PCDH15: variants seen among roughly 807,000 people sequenced by gnomAD.
The protein encoded by PCDH15 is protocadherin related 15.
In PCDH15, 129 loss-of-function variants were observed where a neutral mutation model predicts 178.5. The ratio of observed to expected loss-of-function variants is 0.72; its 90% CI spans 0.63 to 0.84. PCDH15 has a LOEUF of 0.84. Among genes scored for constraint, PCDH15 ranks in the 40% least tolerant of loss-of-function variants. PCDH15 has a pLI of 0.00. For synonymous variants in PCDH15, 800 were observed against 732.0 expected (o/e 1.09, Z -1.50); for missense variants, 2,230 against 2,099.9 (o/e 1.06, Z -1.21).
At chr10:54,345,200 A>G (rs147723046) in intron 6 of PCDH15, among the ~76,000 whole-genome samples, 3,086 of 152,090 alleles carry the variant, frequency 0.02, 106 homozygotes, top group African/African-American at 0.067. Flanking sequence ...AAATGAGAAA[A>G]TGCATCCACA....
At chr10:54,987,170 C>T (rs1839391630) in intron 2 of PCDH15, among the ~76,000 whole-genome samples, 1 of 152,162 alleles carries the variant, frequency 6.6e-6, no homozygotes, top group South Asian at 2.1e-4. Context: ...CCAGCTTCAT[C>T]CGTGTCCCTG....
At chr10:54,080,960 T>A (rs2094429097) in intron 16 of PCDH15, among the ~76,000 whole-genome samples, 1 of 152,176 alleles carries the variant, frequency 6.6e-6, no homozygotes, top group Admixed American at 6.5e-5. Flanking sequence ...AGCCATGGTA[T>A]AATAAGAGAA....
intron 3 of PCDH15, among the ~76,000 whole-genome samples, chr10:54,474,226 A>G (rs1260339426): frequency 6.6e-6 from 1 of 151,948 alleles, no homozygotes; most frequent in Non-Finnish European, 1.5e-5. Flanking sequence ...TTTTAGCAAT[A>G]AAAATTAAGT....
intron 2 of PCDH15, among the ~76,000 whole-genome samples, chr10:55,354,791 T>C (rs1374133929): frequency 6.6e-6 from 1 of 151,966 alleles, no homozygotes; most frequent in Non-Finnish European, 1.5e-5. Context: ...GAATGTACAG[T>C]TTTATAAATA....
chr10:53,975,686 A>G (rs190085704), intron 21 of PCDH15, among the ~76,000 whole-genome samples: 175 of 152,198 alleles, frequency 1.1e-3, no homozygotes, highest in Admixed American at 2.8e-3. Context: ...TGTCAGATGC[A>G]TAGTTCATAA....
chr10:54,017,772 A>G (rs1333467875), intron 20 of PCDH15, among the ~76,000 whole-genome samples: 1 of 152,148 alleles, frequency 6.6e-6, no homozygotes, highest in Non-Finnish European at 1.5e-5. Flanking sequence ...AAATGTGAAC[A>G]TGTAATGCCT....
chr10:54,096,178 C>T (rs2094695869), intron 15 of PCDH15, among the ~76,000 whole-genome samples: 1 of 151,896 alleles, frequency 6.6e-6, no homozygotes, highest in South Asian at 2.1e-4. Context: ...GCAAAGTCCC[C>T]TATGTCCTAA....
At chr10:55,558,193 G>A (rs947028685) in intron 2 of PCDH15, among the ~76,000 whole-genome samples, 2 of 152,026 alleles carry the variant, frequency 1.3e-5, no homozygotes, top group Admixed American at 1.3e-4. Flanking sequence ...TTTCTTTATA[G>A]CCACTGCTTA....
intron 20 of PCDH15, among the ~76,000 whole-genome samples, chr10:54,019,564 T>C (rs1467480940): frequency 2.0e-5 from 3 of 152,106 alleles, no homozygotes; most frequent in African/African-American, 4.8e-5. Flanking sequence ...TTCTCATATC[T>C]ACTTTTGTCT....
intron 2 of PCDH15, among the ~76,000 whole-genome samples, chr10:54,537,427 A>ACCAG (rs1284543828): frequency 6.6e-6 from 1 of 152,148 alleles, no homozygotes; most frequent in Non-Finnish European, 1.5e-5. Flanking sequence ...ATTCTACAAT[A>ACCAG]CCAGCATCAC....
At chr10:55,335,135 A>T (rs775330197) in intron 2 of PCDH15, among the ~76,000 whole-genome samples, 3 of 152,208 alleles carry the variant, frequency 2.0e-5, no homozygotes, top group Non-Finnish European at 2.9e-5. Context: ...CCCAAGAATA[A>T]GGACAAAACC....
chr10:54,878,420 A>C (rs899524821), intron 3 of PCDH15, among the ~76,000 whole-genome samples: 2 of 152,208 alleles, frequency 1.3e-5, no homozygotes, highest in African/African-American at 4.8e-5. Flanking sequence ...TTCCACAAGA[A>C]GACAGCCAGA....
chr10:53,917,578 A>G (rs979649649), intron 25 of PCDH15, among the ~76,000 whole-genome samples: 2 of 152,206 alleles, frequency 1.3e-5, no homozygotes, highest in East Asian at 3.9e-4. Context: ...GCAGTTTTGA[A>G]CTTTCATATA....
chr10:55,416,844 AC>A (rs1380103184), intron 2 of PCDH15, among the ~76,000 whole-genome samples: 1 of 151,822 alleles, frequency 6.6e-6, no homozygotes, highest in Non-Finnish European at 1.5e-5. Context: ...TACAGAACAA[AC>A]AAAATTCCTA....
At chr10:54,218,217 T>A (rs1440294552) in intron 9 of PCDH15, among the ~76,000 whole-genome samples, 1 of 152,148 alleles carries the variant, frequency 6.6e-6, no homozygotes, top group East Asian at 1.9e-4. Context: ...AGTATCAGAG[T>A]GCCATCATTT....
chr10:54,645,321 G>C (rs554061725), intron 2 of PCDH15, among the ~76,000 whole-genome samples: 8 of 152,156 alleles, frequency 5.3e-5, no homozygotes, highest in African/African-American at 1.9e-4. Flanking sequence ...GAGAGACAGA[G>C]AGAGAGAGAG....
intron 8 of PCDH15, among the ~76,000 whole-genome samples, chr10:54,314,653 C>A (rs1443952988): frequency 1.3e-5 from 2 of 151,992 alleles, no homozygotes; most frequent in Non-Finnish European, 2.9e-5. Flanking sequence ...GCCCAGTACC[C>A]AATAGTCATC....
At chr10:54,894,533 G>A (rs1230255377) in intron 3 of PCDH15, among the ~76,000 whole-genome samples, 1 of 152,142 alleles carries the variant, frequency 6.6e-6, no homozygotes, top group African/African-American at 2.4e-5. Context: ...AGATTGACCT[G>A]AAAGTTGAAC....
chr10:54,132,362 C>T (rs989831991), intron 15 of PCDH15, among the ~76,000 whole-genome samples: 47 of 152,248 alleles, frequency 3.1e-4, no homozygotes, highest in Admixed American at 3.1e-3. Flanking sequence ...AAAACTACCC[C>T]CTTCTTCTAA....
Sources: gnomAD v4.1 joint callset for allele counts (sites outside exome capture counted in the v4.1 genomes callset) on GRCh38, gnomAD v4.1.1 for gene constraint, MANE v1.5 for transcripts, NCBI Gene and HGNC (gene_info 2026-07-23, HGNC 2026-07-21) for gene names.